SGPL1: variants seen among roughly 807,000 people sequenced by gnomAD.
The protein encoded by SGPL1 is sphingosine-1-phosphate lyase 1, also known as SP-lyase 1.
A neutral mutation model predicts 68.9 loss-of-function variants in SGPL1; 37 were observed. The observed-to-expected ratio is 0.54, with a 90% confidence interval of 0.41 to 0.71. SGPL1 has a LOEUF of 0.71. Among genes scored for constraint, SGPL1 ranks in the 30% least tolerant of loss-of-function variants. The pLI, the probability that SGPL1 is intolerant of heterozygous loss-of-function variation, is 0.00. For missense variants in SGPL1, 551 were observed against 704.6 expected (o/e 0.78, Z 2.47); for synonymous variants, 236 against 248.5 (o/e 0.95, Z 0.47).
intron 7 of SGPL1, chr10:70,866,442 A>G (rs1406228626): frequency 6.6e-6 from 1 of 152,194 alleles, no homozygotes; most frequent in East Asian, 1.9e-4. Context: ...TTTACAGTCA[A>G]AAGTCCACTG....
chr10:70,833,418 C>T (rs1018840133), intron 2 of SGPL1, among the ~76,000 whole-genome samples: 1 of 152,190 alleles, frequency 6.6e-6, no homozygotes, highest in Non-Finnish European at 1.5e-5. Context: ...ACGTTTCTCA[C>T]AGTCACTACT....
chr10:70,832,614 A>C (rs1011880962), intron 2 of SGPL1, among the ~76,000 whole-genome samples: 1 of 152,218 alleles, frequency 6.6e-6, no homozygotes, highest in Non-Finnish European at 1.5e-5. Flanking sequence ...TTATCCAAGA[A>C]ATTATCATTT....
intron 2 of SGPL1, among the ~76,000 whole-genome samples, chr10:70,835,928 C>G (rs895555819): frequency 6.6e-5 from 10 of 152,094 alleles, no homozygotes; most frequent in Non-Finnish European, 1.3e-4. Flanking sequence ...GGCCCTAGGT[C>G]TCTGTTGTGG....
intron 6 of SGPL1, among the ~76,000 whole-genome samples, chr10:70,859,134 T>C (rs1476085690): frequency 6.6e-6 from 1 of 152,248 alleles, no homozygotes; most frequent in African/African-American, 2.4e-5. Flanking sequence ...GGTTTGGTGT[T>C]ATAGTCTGCG....
chr10:70,876,047 G>A lies in SGPL1; in HGVS notation c.1446-494G>A, dbSNP rs1365702826. On this transcript the variant is annotated intron_variant, in intron 13 of 14. Transcript: ENST00000373202. ...CTGTGTACAGCTTAGCCTTCCACACGTTGGTGCATTGCCAGTCCCATCTGG... is the reference window on the plus strand; with the variant it reads ...CTGTGTACAGCTTAGCCTTCCACACATTGGTGCATTGCCAGTCCCATCTGG... Among the ~76,000 whole-genome samples, 5 of 152,072 alleles carry A rather than the reference G, an allele frequency of 3.3e-5. No individual in the cohort carries two copies. In the South Asian group the frequency reaches 6.2e-4, roughly 19 times the overall value.
Position 70,876,531 on chromosome 10 carries a change from T to G in SGPL1, c.1446-10T>G, listed in dbSNP as rs1292430846. On this transcript the variant is annotated splice_polypyrimidine_tract_variant and intron_variant, in intron 13 of 14. Transcript: ENST00000373202. ...TCAAGGTTCATCTCTCTCTGTCTCTTCTTTCCTAGTATTCATTTCTGCATC... is the reference window on the plus strand; with the variant it reads ...TCAAGGTTCATCTCTCTCTGTCTCTGCTTTCCTAGTATTCATTTCTGCATC... The G allele has an allele frequency of 6.2e-7, 1 of 1,606,812 alleles. No individual in the cohort carries two copies. Among genetic ancestry groups the G allele is most frequent in the African/African-American group, 1.3e-5 (1 of 74,438 alleles).
chr10:70,832,444 C>T (rs1362697898), intron 2 of SGPL1, among the ~76,000 whole-genome samples: 1 of 152,134 alleles, frequency 6.6e-6, no homozygotes, highest in Non-Finnish European at 1.5e-5. Flanking sequence ...GTCTAAGTGT[C>T]TTAACTCCCA....
chr10:70,868,170 A>C (rs1387058851), intron 7 of SGPL1, among the ~76,000 whole-genome samples, 175 bp from the exon 8 acceptor site: 1 of 152,206 alleles, frequency 6.6e-6, no homozygotes, highest in African/African-American at 2.4e-5. Context: ...CCTGAGCCAA[A>C]ATTAGGCTTA....
intron 8 of SGPL1, 101 bp downstream of exon 8, chr10:70,868,534 C>A: frequency 1.1e-6 from 1 of 930,726 alleles, no homozygotes; most frequent in Non-Finnish European, 1.7e-6. Context: ...TGCTTCTCTT[C>A]CTCTGGTAAT....
chr10:70,851,107 A>G (rs757698608), intron 3 of SGPL1, 36 bp from the exon 4 acceptor site: 2 of 1,563,942 alleles, frequency 1.3e-6, no homozygotes, highest in Non-Finnish European at 1.8e-6. Flanking sequence ...ATCCATGGAA[A>G]TTTATTTGAA....
rs768668417 is a variant in SGPL1, at chr10:70,869,914, G to T, written c.810+17G>T. ...GATGTGCGGGTGAGTCCCTCTGGAGGGCCCACTGTCTGTGCTGGGCCCTGA... is the reference window on the plus strand; with the variant it reads ...GATGTGCGGGTGAGTCCCTCTGGAGTGCCCACTGTCTGTGCTGGGCCCTGA... On this transcript the variant is annotated intron_variant, in intron 9 of 14. Coordinates refer to ENST00000373202, the MANE Select transcript of SGPL1 (RefSeq NM_003901.4). 2 of 1,604,904 alleles carry T rather than the reference G, an allele frequency of 1.2e-6. No homozygotes were observed. The highest frequency in any genetic ancestry group is 2.2e-5 in the East Asian group (1 of 44,792).
intron 2 of SGPL1, among the ~76,000 whole-genome samples, chr10:70,818,413 C>T (rs963637039): frequency 1.2e-4 from 19 of 152,174 alleles, no homozygotes; most frequent in African/African-American, 3.9e-4. Flanking sequence ...CGTGAGCCGC[C>T]GTGTCCAGCC....
Position 70,871,904 on chromosome 10 carries a change from T to C in SGPL1, c.977T>C (p.Met326Thr). Residue 326 changes from methionine (M) to threonine (T), a missense_variant, in exon 11 of 15, where the codon ATG (methionine) becomes ACG (threonine). Transcript: ENST00000373202. ...ACLGGFLIVF[M>T]EKAGYPLEHP... ...CTGGGAGGCTTCCTCATCGTCTTTA[T>C]GGAGAAAGCAGGATACCCACTGGAG... 1.2e-6 allele frequency: 2 copies of C among 1,614,140 alleles called. No homozygotes were observed. Among genetic ancestry groups the C allele is most frequent in the Non-Finnish European group, 1.7e-6 (2 of 1,180,010 alleles).
intron 1 of SGPL1, 131 bp from the exon 2 acceptor site, chr10:70,816,680 G>C: frequency 1.4e-6 from 1 of 729,816 alleles, no homozygotes; most frequent in Non-Finnish European, 2.5e-6. Context: ...GGTGGACTGT[G>C]ATATCTGGGA....
intron 2 of SGPL1, among the ~76,000 whole-genome samples, chr10:70,826,778 G>C (rs1335923480): frequency 6.6e-6 from 1 of 151,812 alleles, no homozygotes; most frequent in African/African-American, 2.4e-5. Flanking sequence ...TGATGTAAAT[G>C]GATGCATATG....
chr10:70,839,176 A>G (rs1355642059), intron 2 of SGPL1, among the ~76,000 whole-genome samples: 1 of 152,188 alleles, frequency 6.6e-6, no homozygotes, highest in Non-Finnish European at 1.5e-5. Context: ...AAATGTAATC[A>G]TTGAATTGGA....
chr10:70,876,577 A>T lies in SGPL1; in HGVS notation c.1482A>T (p.Lys494Asn). The T allele has an allele frequency of 6.2e-7, 1 of 1,612,710 alleles. No individual in the cohort carries two copies. The highest frequency in any genetic ancestry group is 8.5e-7 in the Non-Finnish European group (1 of 1,178,780). The part of the protein sequence containing the change: ...HFCITLLHAR[K>N]RVAIQFLKDI... ...GCATCACATTACTACACGCCCGGAA[A>T]CGAGTAGCTATACAATTCCTAAAGG... Residue 494 changes from lysine (K) to asparagine (N), a missense_variant, in exon 14 of 15, where the codon AAA (lysine) becomes AAT (asparagine). Lys to Asn is a moderately conservative substitution (Grantham distance 94, BLOSUM62 0). Transcript: ENST00000373202.
chr10:70,831,990 C>T (rs1845547395), intron 2 of SGPL1, among the ~76,000 whole-genome samples: 1 of 151,970 alleles, frequency 6.6e-6, no homozygotes, highest in Non-Finnish European at 1.5e-5. Flanking sequence ...TTCCTGAGGC[C>T]CAAAGTGCCC....
intron 2 of SGPL1, among the ~76,000 whole-genome samples, chr10:70,822,679 TA>T: frequency 1.3e-5 from 2 of 152,268 alleles, no homozygotes; most frequent in South Asian, 4.1e-4. Flanking sequence ...TATCTTGGCA[TA>T]ATCCAACAGC....
Sources: allele counts gnomAD v4.1 joint callset (sites outside exome capture counted in the v4.1 genomes callset), GRCh38; gene constraint gnomAD v4.1.1; transcripts MANE v1.5; gene names NCBI Gene and HGNC (gene_info 2026-07-23, HGNC 2026-07-21).